SEC16A: variants seen among roughly 807,000 people sequenced by gnomAD.
SEC16A encodes the protein SEC16 homolog A, endoplasmic reticulum export factor.
Under a neutral mutation model 221.9 loss-of-function variants are expected in SEC16A, and 110 were observed. The observed-to-expected ratio is 0.50, with a 90% CI of 0.42 to 0.58. The LOEUF is 0.58. SEC16A is among the 20% of genes least tolerant of loss of function. The pLI, the probability that SEC16A is intolerant of heterozygous loss-of-function variation, is 0.00. For synonymous variants in SEC16A, 1,393 were observed against 1,257.7 expected (o/e 1.11, Z -2.28); for missense variants, 3,165 against 3,097.8 (o/e 1.02, Z -0.52).
In SEC16A at chr9:136,463,736, A is replaced by G; in HGVS notation, c.4451T>C (p.Leu1484Ser). ...ALVEVHSMEALLQHTSEQEEM... is the reference protein window; with the variant it reads ...ALVEVHSMEASLQHTSEQEEM... ...CTCCTGCTCAGACGTGTGCTGCAGC[A>G]AGGCCTACGAGGAGAGGGCCGTGGG... The change falls in exon 10 of 32, where the codon TTG becomes TCG. Residue 1484 changes from leucine (L) to serine (S), a missense_variant. Transcript: ENST00000684901. 6.2e-7 allele frequency: 1 copy of G among 1,611,848 alleles called. No individual in the cohort carries two copies. The highest frequency in any genetic ancestry group is 8.5e-7 in the Non-Finnish European group (1 of 1,179,722).
chr9:136,480,926 A>T (rs910783986), intron 1 of SEC16A, among the ~76,000 whole-genome samples: 1 of 151,878 alleles, frequency 6.6e-6, no homozygotes, highest in Non-Finnish European at 1.5e-5. Flanking sequence ...CTAGACTAAG[A>T]GCTTTTTTAT....
Position 136,459,453 on chromosome 9 carries a change from G to T in SEC16A, c.5294C>A (p.Ser1765Tyr). The change falls in exon 16 of 32, where the codon TCC becomes TAC. Residue 1765 changes from serine to tyrosine, a missense_variant. Physicochemically the swap from Ser to Tyr is moderately radical, Grantham distance 144 (BLOSUM62 -2). Transcript: ENST00000684901. The surrounding 1 kb of genome is among the most constrained non-coding windows in gnomAD (Gnocchi z 6.1). ...KKTTKLVLIG[S>Y]NHSLPFLKFA... ...TGACTTGGTTCTTTACCTGTGATTG[G>T]ATCCGATTAAGACAAGCTTTGTAGT... The T allele has an allele frequency of 6.2e-7, 1 of 1,602,566 alleles. No homozygotes were observed. The highest frequency in any genetic ancestry group is 1.1e-5 in the South Asian group (1 of 89,378).
chr9:136,475,790 C>G lies in SEC16A; in HGVS notation c.1826G>C (p.Ser609Thr). The change falls in exon 3 of 32, where the codon AGT (serine) becomes ACT (threonine). Residue 609 changes from serine to threonine, a missense_variant. By Grantham distance (58) the Ser-to-Thr change is moderately conservative. This residue lies in a region of SEC16A where 2,030 missense variants were observed against 1,923.1 expected (regional missense o/e 1.06). Coordinates refer to ENST00000684901, the MANE Select transcript of SEC16A (RefSeq NM_014866.2). The surrounding 1 kb of genome is among the most constrained non-coding windows in gnomAD (Gnocchi z 5.0). ...PTGIFQTSAN[S>T]SFEPVKSHLV... The stretch of plus-strand genomic sequence containing the variant: ...GTGAGATTTTACCGGTTCGAAAGAA[C>G]TATTTGCACTTGTCTGAAATATTCC... The G allele has an allele frequency of 6.3e-7, 1 of 1,590,880 alleles. No individual in the cohort carries two copies. Among genetic ancestry groups the G allele is most frequent in the Non-Finnish European group, 8.6e-7 (1 of 1,168,396 alleles).
At chr9:136,468,619 T>G (rs997389644) in intron 4 of SEC16A, 107 bp from the exon 5 acceptor site, 1 of 670,224 alleles carries the variant, frequency 1.5e-6, no homozygotes, top group Admixed American at 2.8e-5. Context: ...TCAAAGCACT[T>G]TGGTTGTACA....
intron 23 of SEC16A, among the ~76,000 whole-genome samples, chr9:136,450,788 G>A (rs1837678449): frequency 6.6e-6 from 1 of 152,170 alleles, no homozygotes; most frequent in Non-Finnish European, 1.5e-5. Context: ...CTCATCCTGC[G>A]AGCTAAACCC....
At chr9:136,478,986 C>A (rs1306305796) in intron 1 of SEC16A, among the ~76,000 whole-genome samples, 156 bp from the exon 2 acceptor site, 1 of 152,168 alleles carries the variant, frequency 6.6e-6, no homozygotes, top group Non-Finnish European at 1.5e-5. Flanking sequence ...GGACCACCAG[C>A]AAGATGTTAC....
At chr9:136,446,230 T>C (rs1191974633) in intron 28 of SEC16A, among the ~76,000 whole-genome samples, 2 of 151,552 alleles carry the variant, frequency 1.3e-5, no homozygotes, top group Non-Finnish European at 2.9e-5. Flanking sequence ...CTCAGCCTTC[T>C]GAGTAGCTGG....
In SEC16A at chr9:136,447,779, A is replaced by G. The variant is rs557063211; in HGVS notation, c.6447+74T>C. ...TCCAAAAGGGGCAACAGCCACCCAA[A>G]TATCACAGGGCCACATGAGGCTGTT... On this transcript the variant is annotated intron_variant, in intron 25 of 31. Coordinates refer to ENST00000684901, the MANE Select transcript of SEC16A (RefSeq NM_014866.2). This position sits in a 1 kb window ranked among gnomAD's most constrained non-coding sequence, Gnocchi z 5.5. 1,993 of 1,553,428 alleles carry G rather than the reference A, an allele frequency of 1.3e-3. 4 individuals carry two copies. The highest frequency in any genetic ancestry group is 1.6e-3 in the Non-Finnish European group (1,848 of 1,133,388).
intron 17 of SEC16A, 70 bp from the exon 18 acceptor site, chr9:136,457,654 G>C (rs1208075443): frequency 3.6e-5 from 55 of 1,528,976 alleles, no homozygotes; most frequent in Non-Finnish European, 4.8e-5. Flanking sequence ...ACAAAGCCTT[G>C]TACTGCCCTG....
chr9:136,454,016 A>C, intron 21 of SEC16A, 93 bp downstream of exon 21: 1 of 1,195,184 alleles, frequency 8.4e-7, no homozygotes, highest in South Asian at 1.3e-5. Flanking sequence ...AAGTTGTTTC[A>C]AGCTCAAATA....
In SEC16A at chr9:136,466,115, T is replaced by C. The variant is rs771685309; in HGVS notation, c.4150A>G (p.Asn1384Asp). 5.6e-6 allele frequency: 9 copies of C among 1,601,354 alleles called. No homozygotes were observed. The East Asian group carries it at 1.8e-4, about 32-fold the overall frequency. ...GCCTCGTAGGAACCGGCAGCCACAT[T>C]GTGGCTTCTGTAAATCTGACTCTTA... ...SHQSQIYRSH[N>D]VAAGSYEAPL... The change falls in exon 8 of 32, where the codon AAT becomes GAT. Residue 1384 changes from asparagine to aspartate, a missense_variant. Physicochemically the swap from Asn to Asp is conservative, Grantham distance 23 (BLOSUM62 1). Coordinates refer to ENST00000684901, the MANE Select transcript of SEC16A (RefSeq NM_014866.2). This position sits in a 1 kb window ranked among gnomAD's most constrained non-coding sequence, Gnocchi z 5.5.
At chr9:136,455,576 G>A (rs908452724) in intron 20 of SEC16A, 25 bp downstream of exon 20, 71 of 1,525,014 alleles carry the variant, frequency 4.7e-5, no homozygotes, top group Non-Finnish European at 5.9e-5. Context: ...TTGTCTGAGG[G>A]CAGCAGCCGC....
In SEC16A at chr9:136,451,359, C is replaced by T. The variant is rs371962258; in HGVS notation, c.6209G>A (p.Arg2070His). 6.8e-5 allele frequency: 110 copies of T among 1,613,298 alleles called. No homozygotes were observed. The African/African-American group carries it at 1.2e-3, about 18-fold the overall frequency. Residue 2070 changes from arginine to histidine, a missense_variant, in exon 23 of 32, where the codon CGT (arginine) becomes CAT (histidine). Physicochemically the swap from Arg to His is conservative, Grantham distance 29. Transcript: ENST00000684901. ...TGGCTGCGTGGGACCCGAGTCGGCA[C>T]GATCCCACCCTGGGGGGGCCTCCGA... ...PDSEAPPGWD[R>H]ADSGPTQPPL...
chr9:136,455,923 T>A, intron 19 of SEC16A, 130 bp from the exon 20 acceptor site: 2 of 1,183,084 alleles, frequency 1.7e-6, no homozygotes, highest in Non-Finnish European at 2.4e-6. Context: ...TTCTGGGGAA[T>A]TAGGGAATTC....
rs76035236 is a variant in SEC16A at position 136,446,842 on chromosome 9, C to A, written c.6792+13G>T. 2 of 1,587,784 alleles carry A rather than the reference C, an allele frequency of 1.3e-6. No homozygotes were observed. The highest frequency in any genetic ancestry group is 1.4e-5 in the African/African-American group (1 of 73,568). ...ACTGGGTACCTTTCCCCTTTCCCACCGTACCCGCTCACCTTGGGCTCTGGG... is the reference window on the plus strand; with the variant it reads ...ACTGGGTACCTTTCCCCTTTCCCACAGTACCCGCTCACCTTGGGCTCTGGG... On this transcript the variant is annotated intron_variant, in intron 28 of 31. Coordinates refer to ENST00000684901, the MANE Select transcript of SEC16A (RefSeq NM_014866.2).
At chr9:136,445,571 A>T in intron 29 of SEC16A, 74 bp downstream of exon 29, 2 of 1,146,816 alleles carry the variant, frequency 1.7e-6, no homozygotes, top group Non-Finnish European at 2.5e-6. Context: ...CCCTCCATAA[A>T]GGAAGAGGCG....
chr9:136,441,742 C>T lies in SEC16A; in HGVS notation c.*13G>A, dbSNP rs1836208578. Reference sequence around the variant, plus strand: ...CGTCAGGGCTCCAAGTGCAAGTTCACAGCAGGGCAAGCCTAGTTCAGCACC... The same window carrying T: ...CGTCAGGGCTCCAAGTGCAAGTTCATAGCAGGGCAAGCCTAGTTCAGCACC... On this transcript the variant is annotated 3_prime_UTR_variant, in exon 32 of 32. Transcript: ENST00000684901. 1 of 1,612,958 alleles carries T rather than the reference C, an allele frequency of 6.2e-7. No homozygotes were observed. Among genetic ancestry groups the T allele is most frequent in the Non-Finnish European group, 8.5e-7 (1 of 1,179,476 alleles).
rs1836773266 is a variant in SEC16A at position 136,445,047 on chromosome 9, G to A, written c.6927+5C>T. ...ATGTTAGTGAGGACCACCAGCCGCA[G>A]GTACCTGATTAAAATGCTGGCTCAC... On this transcript the variant is annotated splice_donor_5th_base_variant and intron_variant, in intron 30 of 31. Coordinates refer to ENST00000684901, the MANE Select transcript of SEC16A (RefSeq NM_014866.2). 2.5e-6 allele frequency: 4 copies of A among 1,604,474 alleles called. No individual in the cohort carries two copies. Among genetic ancestry groups the A allele is most frequent in the Non-Finnish European group, 3.4e-6 (4 of 1,175,840 alleles).
In SEC16A at chr9:136,461,235, G is replaced by A. The variant is rs766836812; in HGVS notation, c.4933C>T (p.His1645Tyr). 5 of 1,609,212 alleles carry A rather than the reference G, an allele frequency of 3.1e-6. No homozygotes were observed. The East Asian group carries it at 6.7e-5, about 22-fold the overall frequency. The change falls in exon 13 of 32, where the codon CAC becomes TAC. Residue 1645 changes from histidine (H) to tyrosine (Y), a missense_variant. This residue lies in a region of SEC16A where 1,088 missense variants were observed against 1,089.6 expected (regional missense o/e 1.00). Transcript: ENST00000684901. ...ESAMKNGLWG[H>Y]ALLLASKMDS... is the part of the protein sequence containing the mutation. The stretch of plus-strand genomic sequence containing the variant: ...ATCTTACTTGCAAGTAGCAGAGCGT[G>A]ACCCCACAGGCCATTCTTCATTGCA...
Sources: gnomAD v4.1 joint callset for allele counts (sites outside exome capture counted in the v4.1 genomes callset) on GRCh38, gnomAD v4.1.1 for gene constraint, gnomAD v4.1.1 regional missense constraint, Gnocchi (gnomAD v3.1) non-coding constraint, MANE v1.5 for transcripts, NCBI Gene and HGNC (gene_info 2026-07-23, HGNC 2026-07-21) for gene names.